Variants in CYYR1 observed in about 807,000 individuals in gnomAD.
The protein encoded by CYYR1 is cysteine and tyrosine rich 1, also known as cysteine and tyrosine-rich protein 1.
Under a neutral mutation model 15.2 loss-of-function variants are expected in CYYR1, and 14 were observed. The ratio of observed to expected loss-of-function variants is 0.92; its 90% CI spans 0.61 to 1.44. The LOEUF is 1.44. Among genes scored for constraint, CYYR1 ranks in the 40% most tolerant of loss-of-function variants. The pLI, the probability that CYYR1 is intolerant of heterozygous loss-of-function variation, is 0.00. For missense variants in CYYR1, 228 were observed against 209.5 expected (o/e 1.09, Z -0.54); for synonymous variants, 80 against 77.4 (o/e 1.03, Z -0.18).
At chr21:26,513,714 A>G (rs2065682099) in intron 2 of CYYR1, among the ~76,000 whole-genome samples, 1 of 152,122 alleles carries the variant, frequency 6.6e-6, no homozygotes, top group South Asian at 2.1e-4. Context: ...CAAGGAGAGG[A>G]CAGAGGCTTG....
intron 2 of CYYR1, among the ~76,000 whole-genome samples, chr21:26,515,537 C>G (rs2065716680): frequency 1.3e-5 from 2 of 151,828 alleles, no homozygotes; most frequent in Non-Finnish European, 2.9e-5. Context: ...ATTTTTTGTA[C>G]TTTTTGTAGA....
intron 2 of CYYR1, among the ~76,000 whole-genome samples, chr21:26,516,617 T>C (rs2065730071): frequency 6.6e-6 from 1 of 152,236 alleles, no homozygotes; most frequent in African/African-American, 2.4e-5. Flanking sequence ...TAGGCAATAG[T>C]ATCTGTACAT....
chr21:26,550,152 C>T (rs1179703751), intron 2 of CYYR1, among the ~76,000 whole-genome samples: 1 of 152,114 alleles, frequency 6.6e-6, no homozygotes, highest in Non-Finnish European at 1.5e-5. Context: ...TTCATTACAT[C>T]TGTTATGGTA....
chr21:26,534,987 C>A (rs1378737670), intron 2 of CYYR1, among the ~76,000 whole-genome samples: 1 of 152,082 alleles, frequency 6.6e-6, no homozygotes, highest in Non-Finnish European at 1.5e-5. Flanking sequence ...TGTATTCTAT[C>A]TGGAATTCTT....
At position 26,466,537 on chromosome 21, in the gene CYYR1, T is replaced by C. The variant is rs2064970067; in HGVS notation, c.*1964A>G. On this transcript the variant is annotated 3_prime_UTR_variant, in exon 4 of 4. Coordinates refer to ENST00000652641, the MANE Select transcript of CYYR1 (RefSeq NM_001320768.2). ...TGAACTGGCTTCTATTTGGGGAAAATTTGCAGAATATAGGAGGTACGCAAT... is the reference window on the plus strand; with the variant it reads ...TGAACTGGCTTCTATTTGGGGAAAACTTGCAGAATATAGGAGGTACGCAAT... The C allele has an allele frequency of 6.6e-6, 1 of 152,132 alleles. No homozygotes were observed. 9.4% of individuals were successfully genotyped at this position (152,132 alleles called of 1,614,324 possible).
chr21:26,566,176 A>C, intron 2 of CYYR1, 90 bp downstream of exon 2: 1 of 920,744 alleles, frequency 1.1e-6, no homozygotes, highest in East Asian at 2.6e-5. Context: ...TCTCTTGCCC[A>C]CAACTATCAC....
intron 2 of CYYR1, among the ~76,000 whole-genome samples, chr21:26,515,910 C>T (rs2065722204): frequency 6.6e-6 from 1 of 152,186 alleles, no homozygotes. Context: ...CACTAGCCCT[C>T]CCCACCTTTT....
At position 26,573,045 on chromosome 21, in the gene CYYR1, G is replaced by A. The variant is rs749208475; in HGVS notation, c.-105C>T. ...GGAGAGAGCAGCGCTCCTGAGAGCC[G>A]GGTGGAGCAGAGACCCGGCCATTGC... On this transcript the variant is annotated 5_prime_UTR_variant, in exon 1 of 4. Coordinates refer to ENST00000652641, the MANE Select transcript of CYYR1 (RefSeq NM_001320768.2). The A allele has an allele frequency of 6.3e-7, 1 of 1,591,948 alleles. No homozygotes were observed. The highest frequency in any genetic ancestry group is 8.5e-7 in the Non-Finnish European group (1 of 1,170,342).
intron 2 of CYYR1, among the ~76,000 whole-genome samples, chr21:26,527,169 T>C (rs1457414943): frequency 6.6e-6 from 1 of 152,202 alleles, no homozygotes; most frequent in Non-Finnish European, 1.5e-5. Context: ...TTTGGACATT[T>C]GGAACAAATT....
intron 2 of CYYR1, among the ~76,000 whole-genome samples, chr21:26,514,698 C>G (rs1325059966): frequency 6.6e-6 from 1 of 152,152 alleles, no homozygotes; most frequent in Non-Finnish European, 1.5e-5. Flanking sequence ...TCAGAGGGAA[C>G]TAACTTATTT....
At chr21:26,505,412 C>G (rs1296211192) in intron 2 of CYYR1, among the ~76,000 whole-genome samples, 1 of 152,184 alleles carries the variant, frequency 6.6e-6, no homozygotes, top group African/African-American at 2.4e-5. Context: ...TAAGACTGAG[C>G]TTTGATAACA....
chr21:26,499,484 G>GTTGT (rs902866555), intron 2 of CYYR1, among the ~76,000 whole-genome samples: 3 of 152,204 alleles, frequency 2.0e-5, no homozygotes, highest in Non-Finnish European at 2.9e-5. Flanking sequence ...ATAAATTTCT[G>GTTGT]TTGTTTTTAG....
At chr21:26,545,415 C>T (rs1978890681) in intron 2 of CYYR1, among the ~76,000 whole-genome samples, 2 of 152,086 alleles carry the variant, frequency 1.3e-5, no homozygotes, top group East Asian at 3.9e-4. Context: ...TCACCCTGTC[C>T]TTCAGGCTTC....
rs763085488 is a variant in CYYR1, at chr21:26,480,428, C to T, written c.178G>A (p.Gly60Ser). The T allele has an allele frequency of 2.5e-6, 4 of 1,607,006 alleles. No homozygotes were observed. Among genetic ancestry groups the T allele is most frequent in the Non-Finnish European group, 3.4e-6 (4 of 1,177,458 alleles). Residue 60 changes from glycine (G) to serine (S), a missense_variant and splice_region_variant, in exon 3 of 4, where the codon GGC becomes AGC. By Grantham distance (56) the Gly-to-Ser change is moderately conservative. Coordinates refer to ENST00000652641, the MANE Select transcript of CYYR1 (RefSeq NM_001320768.2). ...YYAYIGNILS[G>S]TAIAGIVFGI... Reference sequence around the variant, plus strand: ...AAAACAATGCCCGCAATTGCAGTGCCCCTAAAAGGAAAAACAAGTAAGTTT... The same window carrying T: ...AAAACAATGCCCGCAATTGCAGTGCTCCTAAAAGGAAAAACAAGTAAGTTT...
At chr21:26,564,964 A>G in intron 2 of CYYR1, 1 of 327,190 alleles carries the variant, frequency 3.1e-6, no homozygotes, top group Non-Finnish European at 4.5e-6. Context: ...TTACTGTAAA[A>G]AATCATCCTG....
chr21:26,560,101 A>C (rs1015099240), intron 2 of CYYR1, among the ~76,000 whole-genome samples: 3 of 152,166 alleles, frequency 2.0e-5, no homozygotes, highest in Admixed American at 6.6e-5. Flanking sequence ...TCTTAATTTC[A>C]TTAGGTCTCT....
At chr21:26,567,919 C>T (rs1443495294) in intron 1 of CYYR1, 2 of 152,114 alleles carry the variant, frequency 1.3e-5, no homozygotes, top group Non-Finnish European at 2.9e-5. Flanking sequence ...TGGAAAAGTT[C>T]GTATTTTCTT....
chr21:26,539,815 C>T (rs1373394231), intron 2 of CYYR1, among the ~76,000 whole-genome samples: 1 of 152,144 alleles, frequency 6.6e-6, no homozygotes, highest in East Asian at 1.9e-4. Context: ...TTTGTGAACA[C>T]TCAGGAGGAA....
chr21:26,500,443 G>C (rs895425818), intron 2 of CYYR1, among the ~76,000 whole-genome samples: 5 of 152,176 alleles, frequency 3.3e-5, no homozygotes, highest in African/African-American at 1.2e-4. Flanking sequence ...TTGTGGAGCG[G>C]ATGATGGAAG....
Sources: allele counts gnomAD v4.1 joint callset (sites outside exome capture counted in the v4.1 genomes callset), GRCh38; gene constraint gnomAD v4.1.1; transcripts MANE v1.5; gene names NCBI Gene and HGNC (gene_info 2026-07-23, HGNC 2026-07-21).